Variants in ATP2B2 observed in about 807,000 individuals in gnomAD.
ATP2B2 encodes the protein ATPase plasma membrane Ca2+ transporting 2, also known as plasma membrane calcium-transporting ATPase 2.
A neutral mutation model predicts 120.0 loss-of-function variants in ATP2B2; 15 were observed. The ratio of observed to expected loss-of-function variants is 0.12; its 90% CI spans 0.08 to 0.19. The LOEUF is 0.19. Ranked by LOEUF, ATP2B2 falls within the 10% of genes least tolerant of loss-of-function variation. The pLI is 1.00. For synonymous variants in ATP2B2, 694 were observed against 700.3 expected (o/e 0.99, Z 0.14); for missense variants, 1,045 against 1,719.8 (o/e 0.61, Z 6.94).
At chr3:10,651,744 A>AATGGATGGATGGATGGATGG (rs36070242) in intron 1 of ATP2B2, among the ~76,000 whole-genome samples, 2,076 of 150,666 alleles carry the variant, frequency 0.014, 25 homozygotes, top group South Asian at 0.06. Context: ...TGCATGTATG[A>AATGGATGGATGGATGGATGG]ATGGATGGAT....
At chr3:10,601,256 G>A (rs1039776502) in intron 2 of ATP2B2, among the ~76,000 whole-genome samples, 6 of 152,156 alleles carry the variant, frequency 3.9e-5, no homozygotes, top group African/African-American at 1.4e-4. Context: ...GACACTCCAG[G>A]AACACTCAGA....
chr3:10,467,731 G>A (rs1320585763), intron 1 of ATP2B2, among the ~76,000 whole-genome samples: 1 of 152,204 alleles, frequency 6.6e-6, no homozygotes, highest in East Asian at 1.9e-4. Flanking sequence ...TGAACCGGAG[G>A]AAACGAGGTA....
chr3:10,703,568 C>T lies in ATP2B2; in HGVS notation c.-460+4347G>A, dbSNP rs370422224. On this transcript the variant is annotated intron_variant, in intron 1 of 21. Coordinates refer to the ATP2B2 transcript ENST00000646379. ...CACACCATCCCAACATCTGCCATTTCCTAGAACTCCGGATCAGCACACACC... is the reference window on the plus strand; with the variant it reads ...CACACCATCCCAACATCTGCCATTTTCTAGAACTCCGGATCAGCACACACC... 5.8e-4 allele frequency among the ~76,000 whole-genome samples: 88 copies of T among 152,328 alleles called. No individual in the cohort carries two copies. The South Asian group carries it at 0.018, about 31-fold the overall frequency.
At chr3:10,654,479 C>T (rs1361087728) in intron 1 of ATP2B2, among the ~76,000 whole-genome samples, 5 of 151,962 alleles carry the variant, frequency 3.3e-5, no homozygotes, top group African/African-American at 9.7e-5. Context: ...TGAACATAGA[C>T]GAGCGAAGTG....
At chr3:10,627,999 G>A (rs1330577421) in intron 1 of ATP2B2, among the ~76,000 whole-genome samples, 2 of 152,162 alleles carry the variant, frequency 1.3e-5, no homozygotes, top group Non-Finnish European at 2.9e-5. Context: ...CAGGTGGGGA[G>A]CAGGTACAGG....
intron 5 of ATP2B2, among the ~76,000 whole-genome samples, chr3:10,399,375 T>C (rs1187522250): frequency 1.3e-5 from 2 of 152,248 alleles, no homozygotes; most frequent in Middle Eastern, 6.3e-3. Context: ...TTCTTCTCAC[T>C]GTTCTGATTT....
Position 10,346,188 on chromosome 3 carries a change from G to GA in ATP2B2, c.2405-52_2405-51insT, listed in dbSNP as rs1405811201. 6.3e-7 allele frequency: 1 copy of GA among 1,576,554 alleles called. No individual in the cohort carries two copies. Among genetic ancestry groups the GA allele is most frequent in the African/African-American group, 1.3e-5 (1 of 74,360 alleles). On this transcript the variant is annotated intron_variant, in intron 16 of 22. Coordinates refer to ENST00000360273, the MANE Select transcript of ATP2B2 (RefSeq NM_001001331.4). The surrounding 1 kb of genome is among the most constrained non-coding windows in gnomAD (Gnocchi z 4.1). ...CCCTGGGCCACTCAGGTGGGAGGCA[G>GA]CCTGGGCCAGCCCTGGTCCTCGGGA...
intron 2 of ATP2B2, among the ~76,000 whole-genome samples, chr3:10,412,678 A>C (rs1455808094): frequency 6.6e-6 from 1 of 151,958 alleles, no homozygotes; most frequent in African/African-American, 2.4e-5. Context: ...CCCCTGTCCT[A>C]CTTGGGCCGT....
At chr3:10,672,782 T>C (rs190254504) in intron 1 of ATP2B2, among the ~76,000 whole-genome samples, 5 of 152,240 alleles carry the variant, frequency 3.3e-5, no homozygotes, top group Admixed American at 2.6e-4. Context: ...ATCCTACCAC[T>C]TGACTTGACA....
At chr3:10,544,098 T>G (rs1413793181) in intron 2 of ATP2B2, among the ~76,000 whole-genome samples, 1 of 152,214 alleles carries the variant, frequency 6.6e-6, no homozygotes, top group African/African-American at 2.4e-5. Flanking sequence ...TGAGAATTGC[T>G]GATTTAGGTC....
At chr3:10,687,503 C>G (rs1177888059) in intron 1 of ATP2B2, among the ~76,000 whole-genome samples, 1 of 152,034 alleles carries the variant, frequency 6.6e-6, no homozygotes, top group Non-Finnish European at 1.5e-5. Flanking sequence ...AAAGCTCGCT[C>G]TAAGCAGACT....
At chr3:10,677,663 A>G (rs980481407) in intron 1 of ATP2B2, among the ~76,000 whole-genome samples, 5 of 152,180 alleles carry the variant, frequency 3.3e-5, no homozygotes, top group African/African-American at 1.2e-4. Context: ...CCTCTCTCCT[A>G]TGCCTTCCTT....
chr3:10,584,527 G>T (rs1018801393), intron 2 of ATP2B2, among the ~76,000 whole-genome samples: 5 of 152,086 alleles, frequency 3.3e-5, no homozygotes, highest in African/African-American at 1.2e-4. Context: ...GCATGTACTG[G>T]AGAAGCACAG....
rs2060546740 is a variant in ATP2B2 at position 10,350,393 on chromosome 3, C to T, written c.2316+5G>A. On this transcript the variant is annotated splice_donor_5th_base_variant and intron_variant, in intron 15 of 22. Coordinates refer to ENST00000360273, the MANE Select transcript of ATP2B2 (RefSeq NM_001001331.4). ...CCTGAGGATGCTTTACGTTGGGACA[C>T]GCACCTCCCCCTTCTCGTTGCGGAT... The T allele has an allele frequency of 6.2e-7, 1 of 1,614,092 alleles. No individual in the cohort carries two copies. Among genetic ancestry groups the T allele is most frequent in the Non-Finnish European group, 8.5e-7 (1 of 1,180,040 alleles).
intron 2 of ATP2B2, among the ~76,000 whole-genome samples, chr3:10,433,717 C>T (rs2063392458): frequency 6.6e-6 from 1 of 152,130 alleles, no homozygotes; most frequent in Admixed American, 6.6e-5. Flanking sequence ...CCACTGTTAC[C>T]CACCTTCAGC....
chr3:10,470,996 G>T (rs990150555), intron 1 of ATP2B2, among the ~76,000 whole-genome samples: 1 of 152,328 alleles, frequency 6.6e-6, no homozygotes, highest in African/African-American at 2.4e-5. Flanking sequence ...GGAGAACGGG[G>T]GGCCTGGGGG....
intron 1 of ATP2B2, among the ~76,000 whole-genome samples, chr3:10,649,634 G>A (rs1489516535): frequency 1.3e-5 from 2 of 152,200 alleles, no homozygotes; most frequent in African/African-American, 4.8e-5. Context: ...CAGATGGGTG[G>A]ATGGATAGGA....
chr3:10,619,761 G>C (rs1025653961), intron 2 of ATP2B2, among the ~76,000 whole-genome samples: 4 of 152,184 alleles, frequency 2.6e-5, no homozygotes, highest in African/African-American at 7.2e-5. Flanking sequence ...GGGAGGCTGA[G>C]TGTTGGGTAG....
At chr3:10,605,901 A>G (rs990715956) in intron 2 of ATP2B2, among the ~76,000 whole-genome samples, 7 of 152,080 alleles carry the variant, frequency 4.6e-5, no homozygotes, top group Non-Finnish European at 1.0e-4. Flanking sequence ...TGCCTGCCTC[A>G]GCCTCCCAAA....
Sources: allele counts gnomAD v4.1 joint callset (sites outside exome capture counted in the v4.1 genomes callset), GRCh38; gene constraint gnomAD v4.1.1; non-coding constraint Gnocchi (gnomAD v3.1); transcripts MANE v1.5; gene names NCBI Gene and HGNC (gene_info 2026-07-23, HGNC 2026-07-21).